The following LDB3 variants were observed in gnomAD, a reference collection of about 807,000 sequenced individuals.
LDB3 encodes the protein LIM domain binding 3, also known as LIM domain-binding protein 3.
In LDB3, 49 loss-of-function variants were observed where a neutral mutation model predicts 69.0. The ratio of observed to expected loss-of-function variants is 0.71; its 90% CI spans 0.56 to 0.90. LDB3 has a LOEUF of 0.90. Ranked by LOEUF, LDB3 falls within the 40% of genes least tolerant of loss-of-function variation. LDB3 has a pLI of 0.00. For missense variants in LDB3, 928 were observed against 974.1 expected (o/e 0.95, Z 0.63); for synonymous variants, 387 against 396.2 (o/e 0.98, Z 0.28).
rs1231141016 is a variant in LDB3, at chr10:86,679,353, C to T, written c.94-14C>T. 13 of 1,614,014 alleles carry T rather than the reference C, an allele frequency of 8.1e-6. No homozygotes were observed. Among genetic ancestry groups the T allele is most frequent in the Non-Finnish European group, 9.3e-6 (11 of 1,180,044 alleles). ...CTTCCTTATGCTCACCCCCCACCTC[C>T]ACTATCCAATCAGATCACACCAGGC... On this transcript the variant is annotated splice_polypyrimidine_tract_variant and intron_variant, in intron 2 of 13. Transcript: ENST00000361373.
chr10:86,702,034 G>A (rs75241847), intron 7 of LDB3, among the ~76,000 whole-genome samples: 1 of 152,218 alleles, frequency 6.6e-6, no homozygotes, highest in Non-Finnish European at 1.5e-5. Context: ...CTGGGGCAAA[G>A]TGATGCAGCT....
At chr10:86,676,170 G>C (rs1414464729) in intron 2 of LDB3, among the ~76,000 whole-genome samples, 1 of 152,234 alleles carries the variant, frequency 6.6e-6, no homozygotes, top group African/African-American at 2.4e-5. Flanking sequence ...GTGGCTTCCT[G>C]GCAGTCCAGA....
chr10:86,689,422 G>A (rs570865858), intron 5 of LDB3, among the ~76,000 whole-genome samples: 6 of 152,196 alleles, frequency 3.9e-5, no homozygotes, highest in Admixed American at 2.0e-4. Context: ...TCAGCCAAAC[G>A]ACATCCCTTG....
rs200114285 is a variant in LDB3 at position 86,679,432 on chromosome 10, C to T, written c.159C>T (p.Asp53=). The T allele has an allele frequency of 9.9e-5, 160 of 1,614,138 alleles. No individual in the cohort carries two copies. Among genetic ancestry groups the T allele is most frequent in the Admixed American group, 3.3e-5 (2 of 60,022 alleles). The change falls in exon 3 of 14, where the codon GAC becomes GAT. Residue 53 remains aspartate (D), a synonymous_variant. Coordinates refer to ENST00000361373, the MANE Select transcript of LDB3 (RefSeq NM_007078.3). ...AGGGTGACCTCGTGGTGGCCATTGA[C>T]GGCGTCAACACAGACACCATGACCC... The part of the protein sequence containing the change: ...LSQGDLVVAI[D]GVNTDTMTHL...
rs1238816759 is a variant in LDB3, at chr10:86,735,903, C to G, written c.*2927C>G. 6.6e-5 allele frequency: 10 copies of G among 150,614 alleles called. No homozygotes were observed. Among genetic ancestry groups the G allele is most frequent in the Admixed American group, 6.6e-4 (10 of 15,114 alleles). 9.3% of individuals were successfully genotyped at this position (150,614 alleles called of 1,614,324 possible). On this transcript the variant is annotated 3_prime_UTR_variant, in exon 14 of 14. Transcript: ENST00000361373. ...CTTTTATAATGTGTTAACTTTTTAACTCAGTATTCTGGCTTTGGGATTTTT... is the reference window on the plus strand; with the variant it reads ...CTTTTATAATGTGTTAACTTTTTAAGTCAGTATTCTGGCTTTGGGATTTTT...
chr10:86,704,481 A>G (rs985867335), intron 7 of LDB3, among the ~76,000 whole-genome samples: 17 of 150,546 alleles, frequency 1.1e-4, no homozygotes, highest in African/African-American at 3.9e-4. Flanking sequence ...AATGGCATGC[A>G]TGATCTCGGC....
intron 2 of LDB3, among the ~76,000 whole-genome samples, chr10:86,675,596 G>C (rs912217200): frequency 6.6e-6 from 1 of 152,212 alleles, no homozygotes; most frequent in South Asian, 2.1e-4. Context: ...GTCCTGCTGT[G>C]GGGGAGCCCC....
chr10:86,731,952 T>C (rs1847474635), intron 13 of LDB3, among the ~76,000 whole-genome samples: 1 of 151,848 alleles, frequency 6.6e-6, no homozygotes, highest in Non-Finnish European at 1.5e-5. Context: ...TAGTGGTATC[T>C]CAGGGCAGTT....
rs1846936455 is a variant in LDB3, at chr10:86,717,965, G to A, written c.1678G>A (p.Gly560Ser). 1.2e-6 allele frequency: 2 copies of A among 1,613,914 alleles called. No homozygotes were observed. Among genetic ancestry groups the A allele is most frequent in the Non-Finnish European group, 1.7e-6 (2 of 1,179,910 alleles). ...LCGHCNNVIRGPFLVAMGRSW... is the reference protein window; with the variant it reads ...LCGHCNNVIRSPFLVAMGRSW... ...GGGTGCCATTCTGTGCTTCCCCAGGGGCCCATTTCTGGTAGCCATGGGCCG... is the reference window on the plus strand; with the variant it reads ...GGGTGCCATTCTGTGCTTCCCCAGGAGCCCATTTCTGGTAGCCATGGGCCG... Residue 560 changes from glycine to serine, a missense_variant and splice_region_variant, in exon 11 of 14, where the codon GGC becomes AGC. Gly to Ser is a moderately conservative substitution (Grantham distance 56). Coordinates refer to ENST00000361373, the MANE Select transcript of LDB3 (RefSeq NM_007078.3).
chr10:86,711,538 G>A (rs1023351253), intron 9 of LDB3, among the ~76,000 whole-genome samples: 22 of 152,072 alleles, frequency 1.4e-4, no homozygotes, highest in African/African-American at 5.1e-4. Context: ...CGTATGAAGT[G>A]GGGCGTGTGG....
intron 7 of LDB3, among the ~76,000 whole-genome samples, chr10:86,697,409 T>C (rs1317543601): frequency 3.3e-5 from 5 of 151,292 alleles, no homozygotes; most frequent in African/African-American, 7.3e-5. Flanking sequence ...TTAGTAGAGA[T>C]GGGGTTTCAC....
At chr10:86,687,019 G>C (rs1198927113) in intron 5 of LDB3, 7 of 1,572,060 alleles carry the variant, frequency 4.5e-6, no homozygotes, top group Non-Finnish European at 8.7e-7. Context: ...GCCACCTGTT[G>C]CCCTTTTCTC....
chr10:86,677,891 C>T (rs778676517), intron 2 of LDB3, among the ~76,000 whole-genome samples: 49 of 152,328 alleles, frequency 3.2e-4, no homozygotes, highest in Admixed American at 7.2e-4. Context: ...TTATCCTGCC[C>T]TTCAGCCTGG....
In LDB3 at chr10:86,687,372, A is replaced by C. The variant is rs573260281; in HGVS notation, c.690-4524A>C. Reference sequence around the variant, plus strand: ...GACCAGCTTTCTTCCCTCACGTTGGACCTCCTGGAGGCATGGCCCTTGGAG... The same window carrying C: ...GACCAGCTTTCTTCCCTCACGTTGGCCCTCCTGGAGGCATGGCCCTTGGAG... On this transcript the variant is annotated intron_variant, in intron 5 of 13. Transcript: ENST00000361373. The C allele has an allele frequency of 6.6e-6, 8 of 1,209,360 alleles. No homozygotes were observed. The East Asian group carries it at 1.9e-4, about 29-fold the overall frequency. 74.9% of individuals were successfully genotyped at this position (1,209,360 alleles called of 1,614,324 possible). A position where few individuals can be genotyped will look rare whatever the true frequency, so the allele number is the denominator to read the frequency against.
In LDB3 at chr10:86,682,510, G is replaced by C. The variant is rs539695166; in HGVS notation, c.689+707G>C. Among the ~76,000 whole-genome samples, 300 of 152,178 alleles carry C rather than the reference G, an allele frequency of 2.0e-3. 4 individuals carry two copies. Among genetic ancestry groups the C allele is most frequent in the Non-Finnish European group, 1.1e-3 (78 of 68,012 alleles). ...AGGACATGGGACTGGGGCACTGTAGGGGGGAGGCAAAGGAACGGAGTCCCC... is the reference window on the plus strand; with the variant it reads ...AGGACATGGGACTGGGGCACTGTAGCGGGGAGGCAAAGGAACGGAGTCCCC... On this transcript the variant is annotated intron_variant, in intron 5 of 13. Transcript: ENST00000361373.
Position 86,679,347 on chromosome 10 carries a change from C to A in LDB3, c.94-20C>A, listed in dbSNP as rs779928559. The A allele has an allele frequency of 2.5e-6, 4 of 1,614,112 alleles. No homozygotes were observed. Among genetic ancestry groups the A allele is most frequent in the Non-Finnish European group, 2.5e-6 (3 of 1,180,038 alleles). On this transcript the variant is annotated intron_variant, in intron 2 of 13. Transcript: ENST00000361373. ...GACCACCTTCCTTATGCTCACCCCC[C>A]ACCTCCACTATCCAATCAGATCACA...
chr10:86,702,362 G>C (rs762243095), intron 7 of LDB3, among the ~76,000 whole-genome samples: 20 of 152,162 alleles, frequency 1.3e-4, no homozygotes, highest in Non-Finnish European at 2.6e-4. Context: ...TAATATCATA[G>C]TTATCAATAA....
chr10:86,731,141 T>TGA (rs1008501932), intron 13 of LDB3, among the ~76,000 whole-genome samples: 6 of 146,204 alleles, frequency 4.1e-5, no homozygotes, highest in Non-Finnish European at 9.0e-5. Flanking sequence ...GGTGACAGAG[T>TGA]GAGACTCCAT....
At chr10:86,679,767 G>A (rs1052022902) in intron 3 of LDB3, among the ~76,000 whole-genome samples, 6 of 152,234 alleles carry the variant, frequency 3.9e-5, no homozygotes, top group Admixed American at 6.5e-5. Context: ...CTGCCCGTAC[G>A]TGGGCCATTG....
Sources: gnomAD v4.1 joint callset for allele counts (sites outside exome capture counted in the v4.1 genomes callset) on GRCh38, gnomAD v4.1.1 for gene constraint, MANE v1.5 for transcripts, NCBI Gene and HGNC (gene_info 2026-07-23, HGNC 2026-07-21) for gene names.